SESTD1: variants seen among roughly 807,000 people sequenced by gnomAD.
The protein encoded by SESTD1 is SEC14 domain and spectrin repeat-containing protein 1.
A neutral mutation model predicts 101.7 loss-of-function variants in SESTD1; 43 were observed. The ratio of observed to expected loss-of-function variants is 0.42; its 90% CI spans 0.33 to 0.55. SESTD1 has a LOEUF of 0.55. Among genes scored for constraint, SESTD1 ranks in the 20% least tolerant of loss-of-function variants. The probability of loss-of-function intolerance (pLI) is 0.07; values close to 1 mark genes in which losing one functional copy is unlikely to be tolerated. For missense variants in SESTD1, 647 were observed against 815.1 expected (o/e 0.79, Z 2.51); for synonymous variants, 283 against 286.8 (o/e 0.99, Z 0.13).
intron 1 of SESTD1, among the ~76,000 whole-genome samples, chr2:179,236,225 C>T (rs1017083781): frequency 1.3e-5 from 2 of 150,644 alleles, no homozygotes; most frequent in Admixed American, 1.3e-4. Context: ...TGGTGGCTCA[C>T]ACCTGTAATC....
chr2:179,230,984 G>A (rs1456346208), intron 1 of SESTD1, among the ~76,000 whole-genome samples: 2 of 152,056 alleles, frequency 1.3e-5, no homozygotes, highest in Non-Finnish European at 2.9e-5. Flanking sequence ...ATTAAGACTG[G>A]CATCAGACTT....
chr2:179,162,277 A>G (rs1042766392), intron 5 of SESTD1, among the ~76,000 whole-genome samples: 8 of 152,160 alleles, frequency 5.3e-5, no homozygotes, highest in Non-Finnish European at 1.2e-4. Context: ...TTTAAAAGAT[A>G]GTATTAAAAA....
At chr2:179,165,242 T>C (rs970300739) in intron 5 of SESTD1, among the ~76,000 whole-genome samples, 10 of 152,206 alleles carry the variant, frequency 6.6e-5, no homozygotes, top group Admixed American at 5.9e-4. Flanking sequence ...GAAAACATAT[T>C]GATATAAGAA....
chr2:179,196,960 A>G (rs1330458884), intron 1 of SESTD1, among the ~76,000 whole-genome samples: 1 of 152,244 alleles, frequency 6.6e-6, no homozygotes, highest in Admixed American at 6.5e-5. Flanking sequence ...TGGACGGAGA[A>G]TGATTTTGAT....
Position 179,112,851 on chromosome 2 carries a change from A to C in SESTD1, c.1840-6T>G. The C allele has an allele frequency of 6.2e-7, 1 of 1,606,814 alleles. No individual in the cohort carries two copies. The highest frequency in any genetic ancestry group is 1.1e-5 in the South Asian group (1 of 89,880). On this transcript the variant is annotated splice_region_variant and splice_polypyrimidine_tract_variant and intron_variant, in intron 16 of 17. Transcript: ENST00000428443. ...TCTGGACAGTCCTGCAAAATCTGCAACAAATAAAAGAGCAACATCAATCAA... is the reference window on the plus strand; with the variant it reads ...TCTGGACAGTCCTGCAAAATCTGCACCAAATAAAAGAGCAACATCAATCAA...
chr2:179,217,009 A>C lies in SESTD1; in HGVS notation c.-25-25143T>G, dbSNP rs2046730917. Among the ~76,000 whole-genome samples, 4 of 151,970 alleles carry C rather than the reference A, an allele frequency of 2.6e-5. No individual in the cohort carries two copies. The South Asian group carries it at 8.3e-4, about 32-fold the overall frequency. ...AAGATGGATTAAAGACTTAAATGTT[A>C]GATCTAAAACCATAAAAACCCTAGA... On this transcript the variant is annotated intron_variant, in intron 1 of 17. Transcript: ENST00000428443.
Position 179,168,795 on chromosome 2 carries a change from C to CA in SESTD1, c.369+3324dup, listed in dbSNP as rs997470460. Among the ~76,000 whole-genome samples, 24 of 151,976 alleles carry CA rather than the reference C, an allele frequency of 1.6e-4. No individual in the cohort carries two copies. The East Asian group carries it at 1.7e-3, about 11-fold the overall frequency. ...GTAAAAGAAAACAGATTATCTGTAG[C>CA]AAAAAAATGCAGCAATGTAGTGTTT... On this transcript the variant is annotated intron_variant, in intron 5 of 17. Coordinates refer to ENST00000428443, the MANE Select transcript of SESTD1 (RefSeq NM_178123.5).
chr2:179,214,852 C>T lies in SESTD1; in HGVS notation c.-25-22986G>A, dbSNP rs1427660862. Among the ~76,000 whole-genome samples, 5 of 135,316 alleles carry T rather than the reference C, an allele frequency of 3.7e-5. 1 individual carries two copies. The highest frequency in any genetic ancestry group is 2.9e-5 in the African/African-American group (1 of 34,244). 88.8% of individuals were successfully genotyped at this position (135,316 alleles called of 152,430 possible). On this transcript the variant is annotated intron_variant, in intron 1 of 17. Transcript: ENST00000428443. ...AAGAAACTCACTCAAAACCACTCAA[C>T]TACATGGAAACTGAACATCCTGCTC...
At position 179,215,588 on chromosome 2, in the gene SESTD1, T is replaced by A. The variant is rs888309874; in HGVS notation, c.-25-23722A>T. Among the ~76,000 whole-genome samples the A allele has an allele frequency of 2.2e-5, 3 of 134,486 alleles. 1 individual carries two copies. Among genetic ancestry groups the A allele is most frequent in the Non-Finnish European group, 4.8e-5 (3 of 62,666 alleles). 88.2% of individuals were successfully genotyped at this position (134,486 alleles called of 152,430 possible). A position where few individuals can be genotyped will look rare whatever the true frequency, so the allele number is the denominator to read the frequency against. On this transcript the variant is annotated intron_variant, in intron 1 of 17. Transcript: ENST00000428443. The stretch of plus-strand genomic sequence containing the variant: ...AAAGAGGAGCTGGTACCATTCCTTC[T>A]CAAACCAGTCCAATCAATAGAAAAA...
chr2:179,108,170 T>C lies in SESTD1; in HGVS notation c.*1729A>G, dbSNP rs1288661942. 3 of 152,066 alleles carry C rather than the reference T, an allele frequency of 2.0e-5. No homozygotes were observed. Among genetic ancestry groups the C allele is most frequent in the Non-Finnish European group, 4.4e-5 (3 of 68,006 alleles). 9.4% of individuals were successfully genotyped at this position (152,066 alleles called of 1,614,324 possible). The stretch of plus-strand genomic sequence containing the variant: ...CCAGGTATGTAATCCAGAACATTGG[T>C]ATAAAATAAAAACTCTAAGGATGAG... On this transcript the variant is annotated 3_prime_UTR_variant, in exon 18 of 18. Transcript: ENST00000428443.
Position 179,132,321 on chromosome 2 carries a change from T to C in SESTD1, c.955A>G (p.Ile319Val), listed in dbSNP as rs2045030730. ...SQALQQKHEE[I>V]ESQHSEWFAV... ...CCTCTCACACTGTGCTGGCTCTCAA[T>C]CTCTTCGTGTTTCTGCTGTAGGGCC... The change falls in exon 10 of 18, where the codon ATT becomes GTT. Residue 319 changes from isoleucine to valine, a missense_variant. Coordinates refer to ENST00000428443, the MANE Select transcript of SESTD1 (RefSeq NM_178123.5). 3 of 1,554,164 alleles carry C rather than the reference T, an allele frequency of 1.9e-6. No individual in the cohort carries two copies. Among genetic ancestry groups the C allele is most frequent in the African/African-American group, 2.8e-5 (2 of 70,370 alleles).
intron 5 of SESTD1, among the ~76,000 whole-genome samples, chr2:179,167,857 G>A (rs901594689): frequency 1.3e-5 from 2 of 152,066 alleles, no homozygotes; most frequent in Non-Finnish European, 2.9e-5. Context: ...GGGCCTCCTG[G>A]GTTCAAGCAA....
At chr2:179,238,613 C>G (rs75680359) in intron 1 of SESTD1, among the ~76,000 whole-genome samples, 4,257 of 152,128 alleles carry the variant, frequency 0.028, 81 homozygotes, top group Non-Finnish European at 0.046. Context: ...AAACTAGAAA[C>G]TTATTGCTCA....
chr2:179,264,536 G>A lies in SESTD1; in HGVS notation c.-63C>T, dbSNP rs1168664157. 3.3e-5 allele frequency: 5 copies of A among 151,284 alleles called. No individual in the cohort carries two copies. Among genetic ancestry groups the A allele is most frequent in the East Asian group, 1.9e-4 (1 of 5,168 alleles). The allele number at this position is 151,284 out of a possible 1,614,324, so 9.4% of individuals were successfully genotyped here. ...GACGCTAGCGGCCGGCGGCTCCGGG[G>A]CGTTGGGGAAGACAGGGGAACGCTA... On this transcript the variant is annotated 5_prime_UTR_variant, in exon 1 of 18. Coordinates refer to ENST00000428443, the MANE Select transcript of SESTD1 (RefSeq NM_178123.5).
intron 2 of SESTD1, among the ~76,000 whole-genome samples, chr2:179,188,983 C>A (rs947709990): frequency 6.6e-6 from 1 of 152,060 alleles, no homozygotes; most frequent in African/African-American, 2.4e-5. Flanking sequence ...GGATTCACAG[C>A]CAAATTCTAC....
At chr2:179,173,792 G>A (rs1690133610) in intron 4 of SESTD1, among the ~76,000 whole-genome samples, 2 of 151,420 alleles carry the variant, frequency 1.3e-5, no homozygotes, top group South Asian at 2.1e-4. Context: ...TAGTATAAAA[G>A]CAGCCACACA....
intron 1 of SESTD1, among the ~76,000 whole-genome samples, chr2:179,239,575 CCA>C (rs1282545480): frequency 6.6e-6 from 1 of 151,992 alleles, no homozygotes; most frequent in Non-Finnish European, 1.5e-5. Flanking sequence ...TGTGAGAGCC[CCA>C]GTTCAAATCA....
At chr2:179,236,133 C>G (rs1490962885) in intron 1 of SESTD1, among the ~76,000 whole-genome samples, 1 of 149,684 alleles carries the variant, frequency 6.7e-6, no homozygotes, top group African/African-American at 2.5e-5. Flanking sequence ...ACAGAAGGAA[C>G]CATGTCATTT....
intron 1 of SESTD1, among the ~76,000 whole-genome samples, chr2:179,202,657 G>C (rs2046535909): frequency 7.4e-6 from 1 of 134,994 alleles, no homozygotes; most frequent in Non-Finnish European, 1.6e-5. Context: ...CAAGAGGTTT[G>C]TCTCCCTTTT....
Sources: allele counts gnomAD v4.1 joint callset (sites outside exome capture counted in the v4.1 genomes callset), GRCh38; gene constraint gnomAD v4.1.1; transcripts MANE v1.5; gene names NCBI Gene and HGNC (gene_info 2026-07-23, HGNC 2026-07-21).